TNS3: variants seen among roughly 807,000 people sequenced by gnomAD.
TNS3 encodes the protein tensin 3, also known as tensin-3.
In TNS3, 45 loss-of-function variants were observed where a neutral mutation model predicts 140.9. The observed-to-expected ratio is 0.32, with a 90% CI of 0.25 to 0.41. The LOEUF (loss-of-function observed/expected upper bound fraction) is 0.41. Among genes scored for constraint, TNS3 ranks in the 10% least tolerant of loss-of-function variants. TNS3 has a pLI of 1.00. For synonymous variants in TNS3, 815 were observed against 788.4 expected, an observed-to-expected ratio of 1.03 and a Z score of -0.56; for missense variants, 1,716 against 1,906.7, an observed-to-expected ratio of 0.90 and a Z score of 1.86.
At chr7:47,461,369 T>C (rs1194232679) in intron 4 of TNS3, among the ~76,000 whole-genome samples, 1 of 152,218 alleles carries the variant, frequency 6.6e-6, no homozygotes, top group East Asian at 1.9e-4. Context: ...GTTCGTTCCA[T>C]GAGACAATAT....
intron 27 of TNS3, among the ~76,000 whole-genome samples, chr7:47,287,729 A>ACAGCAGACATTCG (rs1319307235): frequency 6.6e-6 from 1 of 152,198 alleles, no homozygotes; most frequent in African/African-American, 2.4e-5. Flanking sequence ...AATGTAATGG[A>ACAGCAGACATTCG]CAGCAGACAT....
chr7:47,443,104 C>G (rs954509459), intron 4 of TNS3, among the ~76,000 whole-genome samples: 3 of 152,194 alleles, frequency 2.0e-5, no homozygotes, highest in African/African-American at 4.8e-5. Context: ...CTCTTCAGTT[C>G]TACACCAAGG....
chr7:47,452,633 G>A (rs1197732614), intron 4 of TNS3, among the ~76,000 whole-genome samples: 1 of 152,190 alleles, frequency 6.6e-6, no homozygotes, highest in Non-Finnish European at 1.5e-5. Context: ...GCAGGGAGAG[G>A]TAAGCAACAC....
intron 1 of TNS3, among the ~76,000 whole-genome samples, chr7:47,574,740 T>A (rs1410588192): frequency 6.6e-6 from 1 of 151,814 alleles, no homozygotes; most frequent in Admixed American, 6.6e-5. Flanking sequence ...GTATTCTAAG[T>A]GAAATAAACA....
intron 4 of TNS3, among the ~76,000 whole-genome samples, chr7:47,460,599 T>C (rs2151686993): frequency 6.6e-6 from 1 of 152,334 alleles, no homozygotes; most frequent in Admixed American, 6.5e-5. Context: ...CACCCTCTCC[T>C]GGCAGGAAGC....
chr7:47,569,480 G>T (rs1470582620), intron 1 of TNS3, among the ~76,000 whole-genome samples: 1 of 152,008 alleles, frequency 6.6e-6, no homozygotes, highest in Non-Finnish European at 1.5e-5. Flanking sequence ...GGAGGTGGAG[G>T]TTCCAGTGAG....
At chr7:47,424,226 C>T in intron 9 of TNS3, 42 bp from the exon 10 acceptor site, 1 of 1,602,030 alleles carries the variant, frequency 6.2e-7, no homozygotes. Flanking sequence ...CTCAGTGGAG[C>T]CCACACCACG....
chr7:47,359,703 A>G (rs536808692), intron 17 of TNS3, among the ~76,000 whole-genome samples: 1 of 152,212 alleles, frequency 6.6e-6, no homozygotes, highest in African/African-American at 2.4e-5. Flanking sequence ...TTCCTTTGAC[A>G]TGAGTGTTAG....
At chr7:47,418,374 A>G (rs551968576) in intron 10 of TNS3, among the ~76,000 whole-genome samples, 2 of 152,212 alleles carry the variant, frequency 1.3e-5, no homozygotes, top group African/African-American at 2.4e-5. Context: ...CCAGCTGACT[A>G]TGGAAAGGAT....
In TNS3 at chr7:47,332,555, G is replaced by A. The variant is rs531778205; in HGVS notation, c.2650+12200C>T. ...CGCGAGCTGCCCCAGGGCCAGGACC[G>A]CCTCCCTTCCTCAATCCCGGGATGG... On this transcript the variant is annotated intron_variant, in intron 20 of 30. Coordinates refer to ENST00000311160, the MANE Select transcript of TNS3 (RefSeq NM_022748.12). Among the ~76,000 whole-genome samples, 17 of 151,348 alleles carry A rather than the reference G, an allele frequency of 1.1e-4. No individual in the cohort carries two copies. In the South Asian group the frequency reaches 1.5e-3, roughly 13 times the overall value.
chr7:47,381,271 T>C (rs1489237401), intron 16 of TNS3, among the ~76,000 whole-genome samples: 1 of 152,226 alleles, frequency 6.6e-6, no homozygotes, highest in Non-Finnish European at 1.5e-5. Flanking sequence ...TCCTGGGAGC[T>C]GTCTCTCTGT....
At chr7:47,428,863 C>G (rs1262266443) in intron 8 of TNS3, among the ~76,000 whole-genome samples, 5 of 152,208 alleles carry the variant, frequency 3.3e-5, no homozygotes, top group Non-Finnish European at 7.3e-5. Flanking sequence ...ACCGCCGCAG[C>G]CCACCCTCAT....
chr7:47,447,068 A>C (rs867409756), intron 4 of TNS3, among the ~76,000 whole-genome samples: 16 of 151,432 alleles, frequency 1.1e-4, no homozygotes, highest in Admixed American at 5.9e-4. Flanking sequence ...CCATGGGCTC[A>C]ATGAGGTCAA....
Position 47,474,117 on chromosome 7 carries a change from A to AACACACACACAC in TNS3, c.-76+6974_-76+6985dup, listed in dbSNP as rs35049083. Among the ~76,000 whole-genome samples, 476 of 145,416 alleles carry AACACACACACAC rather than the reference A, an allele frequency of 3.3e-3. 3 individuals are homozygous for AACACACACACAC. The highest frequency in any genetic ancestry group is 0.013 in the East Asian group (65 of 4,816). On this transcript the variant is annotated intron_variant, in intron 4 of 30. Transcript: ENST00000311160. ...AAGTAAAACATACTGAGCAAGTCTC[A>AACACACACACAC]ACACACACACACACACACACACACA...
Position 47,453,347 on chromosome 7 carries a change from G to C in TNS3, c.-75-11292C>G, listed in dbSNP as rs962685435. 29 of 713,250 alleles carry C rather than the reference G, an allele frequency of 4.1e-5. No individual in the cohort carries two copies. In the African/African-American group the frequency reaches 4.4e-4, roughly 11 times the overall value. The allele number at this position is 713,250 out of a possible 1,614,324, so 44.2% of individuals were successfully genotyped here. On this transcript the variant is annotated intron_variant, in intron 4 of 30. Coordinates refer to ENST00000311160, the MANE Select transcript of TNS3 (RefSeq NM_022748.12). ...GCCTTCCTGGGGACTAGCCACTAGG[G>C]AGAACCGCCTCTCAAAAGTTCCCCC...
At chr7:47,383,483 C>A (rs1329397673) in intron 16 of TNS3, among the ~76,000 whole-genome samples, 1 of 152,270 alleles carries the variant, frequency 6.6e-6, no homozygotes, top group East Asian at 1.9e-4. Flanking sequence ...GTTCCACAAC[C>A]TTGTGAACGT....
At chr7:47,509,906 C>A (rs755183734) in intron 2 of TNS3, among the ~76,000 whole-genome samples, 3 of 152,196 alleles carry the variant, frequency 2.0e-5, no homozygotes, top group Non-Finnish European at 4.4e-5. Flanking sequence ...CGATGGGCTG[C>A]AAGCTCCTCA....
intron 3 of TNS3, among the ~76,000 whole-genome samples, chr7:47,491,046 C>T (rs1036862796): frequency 6.6e-6 from 1 of 152,066 alleles, no homozygotes; most frequent in Non-Finnish European, 1.5e-5. Flanking sequence ...TTTCAGCCGC[C>T]GATGGTGGGG....
chr7:47,434,996 A>T (rs906388616), intron 8 of TNS3, among the ~76,000 whole-genome samples: 1 of 152,214 alleles, frequency 6.6e-6, no homozygotes. Flanking sequence ...ATAAAAATGA[A>T]ACGATTTGCT....
Sources: gnomAD v4.1 joint callset for allele counts (sites outside exome capture counted in the v4.1 genomes callset) on GRCh38, gnomAD v4.1.1 for gene constraint, MANE v1.5 for transcripts, NCBI Gene and HGNC (gene_info 2026-07-23, HGNC 2026-07-21) for gene names.